ARID4A: variants seen among roughly 807,000 people sequenced by gnomAD.
The protein encoded by ARID4A is AT-rich interactive domain-containing protein 4A.
In ARID4A, 39 loss-of-function variants were observed where a neutral mutation model predicts 148.6. The observed-to-expected ratio is 0.26, with a 90% CI of 0.20 to 0.34. The LOEUF (loss-of-function observed/expected upper bound fraction) is 0.34. Among genes scored for constraint, ARID4A ranks in the 10% least tolerant of loss-of-function variants. The pLI is 1.00. For missense variants in ARID4A, 1,265 were observed against 1,449.1 expected (o/e 0.87, Z 2.06); for synonymous variants, 475 against 481.2 (o/e 0.99, Z 0.17).
chr14:58,326,314 G>A lies in ARID4A; in HGVS notation c.583-1923G>A, dbSNP rs577461670. Among the ~76,000 whole-genome samples, 36 of 152,324 alleles carry A rather than the reference G, an allele frequency of 2.4e-4. No homozygotes were observed. The South Asian group carries it at 5.2e-3, about 22-fold the overall frequency. On this transcript the variant is annotated intron_variant, in intron 8 of 23. Transcript: ENST00000355431. ...TAGCCAGGCGTGGTGGTAGGCACCT[G>A]TAGTCCCAGCTACTTGGGAGGCTGA...
chr14:58,364,836 C>A lies in ARID4A; in HGVS notation c.2747C>A (p.Ala916Glu). 1 of 1,614,094 alleles carries A rather than the reference C, an allele frequency of 6.2e-7. No homozygotes were observed. Among genetic ancestry groups the A allele is most frequent in the Non-Finnish European group, 8.5e-7 (1 of 1,180,016 alleles). The change falls in exon 20 of 24, where the codon GCA (alanine) becomes GAA (glutamate). Residue 916 changes from alanine to glutamate, a missense_variant. Physicochemically the swap from Ala to Glu is moderately radical, Grantham distance 107. Transcript: ENST00000355431. ...AATGAAGGAATGCCATCATTGATAGCAGAGTCAAACCAATGCATCCAACAA... is the reference window on the plus strand; with the variant it reads ...AATGAAGGAATGCCATCATTGATAGAAGAGTCAAACCAATGCATCCAACAA... The part of the protein sequence containing the change: ...RENEGMPSLI[A>E]ESNQCIQQLT...
At chr14:58,350,030 AG>A (rs959714501) in intron 15 of ARID4A, among the ~76,000 whole-genome samples, 109 of 142,114 alleles carry the variant, frequency 7.7e-4, no homozygotes, top group African/African-American at 2.7e-3. Context: ...TGAACCTGGG[AG>A]GTAGAGGTTG....
intron 5 of ARID4A, among the ~76,000 whole-genome samples, chr14:58,311,178 G>A (rs1171971214): frequency 1.3e-5 from 2 of 152,112 alleles, no homozygotes; most frequent in Non-Finnish European, 2.9e-5. Context: ...CCCTGGAGGC[G>A]GAGGCTGCAG....
intron 5 of ARID4A, among the ~76,000 whole-genome samples, chr14:58,313,474 A>C (rs2032194156): frequency 6.6e-6 from 1 of 152,184 alleles, no homozygotes; most frequent in Non-Finnish European, 1.5e-5. Context: ...CTCAGGTGGT[A>C]ATGCTTGCTT....
At chr14:58,344,298 T>A (rs1340644560) in intron 11 of ARID4A, among the ~76,000 whole-genome samples, 1 of 152,120 alleles carries the variant, frequency 6.6e-6, no homozygotes, top group Non-Finnish European at 1.5e-5. Context: ...TTTTTATATA[T>A]AAATATATGA....
intron 17 of ARID4A, among the ~76,000 whole-genome samples, chr14:58,354,601 G>A (rs2034786903): frequency 2.6e-5 from 4 of 151,670 alleles, no homozygotes; most frequent in Admixed American, 2.6e-4. Flanking sequence ...GAGGATCACT[G>A]GAGCCCAGGA....
intron 5 of ARID4A, among the ~76,000 whole-genome samples, chr14:58,316,917 G>T (rs1362091026): frequency 0.23 from 32 of 142 alleles, no homozygotes; most frequent in African/African-American, 0.39. Context: ...CTAAAGGCCA[G>T]GCGCGGTGCT....
chr14:58,359,243 T>C (rs1300673920), intron 18 of ARID4A, 27 bp downstream of exon 18: 2 of 1,543,140 alleles, frequency 1.3e-6, no homozygotes, highest in East Asian at 4.5e-5. Flanking sequence ...ATGTCCTTTA[T>C]AATATGTATA....
rs1393539199 is a variant in ARID4A at position 58,347,871 on chromosome 14, C to T, written c.1397C>T (p.Ser466Phe). The change falls in exon 15 of 24, where the codon TCT (serine) becomes TTT (phenylalanine). Residue 466 changes from serine to phenylalanine, a missense_variant. Around this residue, in one of 9 missense-constraint regions of ARID4A, gnomAD observed 205 missense variants for 196.9 expected, o/e 1.04. Transcript: ENST00000355431. ...GAAAGAGAAGAGATAGAATTAAAAT[C>T]TCCGAGGGTGAGTTCTTAATACTAG... ...ESEREEIELK[S>F]PRGRRRIARD... is the part of the protein sequence containing the mutation. 6.2e-7 allele frequency: 1 copy of T among 1,607,196 alleles called. No individual in the cohort carries two copies. The highest frequency in any genetic ancestry group is 1.7e-5 in the Admixed American group (1 of 59,692).
chr14:58,329,339 T>C (rs1242064200), intron 9 of ARID4A, among the ~76,000 whole-genome samples, 189 bp from the exon 10 acceptor site: 1 of 152,212 alleles, frequency 6.6e-6, no homozygotes, highest in Non-Finnish European at 1.5e-5. Context: ...TATATACAAC[T>C]TCAGAATTAA....
chr14:58,341,165 C>T (rs1324230862), intron 11 of ARID4A, among the ~76,000 whole-genome samples: 3 of 152,180 alleles, frequency 2.0e-5, no homozygotes, highest in Non-Finnish European at 4.4e-5. Flanking sequence ...CGTTCTCTTC[C>T]TTGTGGACTG....
intron 5 of ARID4A, among the ~76,000 whole-genome samples, chr14:58,310,001 ACAAAATGTTTTCAAACC>A (rs1265957786): frequency 1.3e-5 from 2 of 152,204 alleles, no homozygotes; most frequent in Admixed American, 6.5e-5. Context: ...AAAATCAACC[ACAAAATGTTTTCAAACC>A]CAGGTGGCTC....
intron 11 of ARID4A, among the ~76,000 whole-genome samples, chr14:58,341,764 C>T (rs1337816031): frequency 6.6e-6 from 1 of 152,128 alleles, no homozygotes; most frequent in African/African-American, 2.4e-5. Flanking sequence ...GCAGTATATA[C>T]TAATACTAAC....
intron 2 of ARID4A, 76 bp from the exon 3 acceptor site, chr14:58,301,504 A>C (rs937334430): frequency 2.0e-6 from 2 of 995,062 alleles, no homozygotes; most frequent in African/African-American, 3.2e-5. Context: ...CTTCAAACAC[A>C]ACCTTTTAAT....
At chr14:58,362,377 C>G (rs995667275) in intron 19 of ARID4A, among the ~76,000 whole-genome samples, 4 of 151,982 alleles carry the variant, frequency 2.6e-5, no homozygotes, top group Non-Finnish European at 5.9e-5. Context: ...TCACTTGAGC[C>G]CAGGAGTTCC....
intron 5 of ARID4A, among the ~76,000 whole-genome samples, chr14:58,317,117 C>T (rs540392055): frequency 5.5e-5 from 8 of 144,402 alleles, no homozygotes; most frequent in South Asian, 2.3e-4. Flanking sequence ...GGCGTGAACC[C>T]GGGAGGCGGA....
intron 7 of ARID4A, among the ~76,000 whole-genome samples, chr14:58,320,242 G>A (rs1333155747): frequency 3.3e-5 from 5 of 151,464 alleles, no homozygotes; most frequent in African/African-American, 7.3e-5. Flanking sequence ...CACCACACCC[G>A]GCCTATACTA....
intron 11 of ARID4A, among the ~76,000 whole-genome samples, chr14:58,341,944 G>A (rs1405125518): frequency 6.6e-6 from 1 of 151,920 alleles, no homozygotes; most frequent in African/African-American, 2.4e-5. Context: ...TAACCCTCTC[G>A]CACTCCAAAA....
In ARID4A at chr14:58,365,638, T is replaced by G. The variant is rs764990094; in HGVS notation, c.3316+16T>G. Reference sequence around the variant, plus strand: ...AATGGAACAGGTTGGTGTCTTTCAATGCTAGCTTTTGTATAGTGTTAGTAT... The same window carrying G: ...AATGGAACAGGTTGGTGTCTTTCAAGGCTAGCTTTTGTATAGTGTTAGTAT... On this transcript the variant is annotated intron_variant, in intron 21 of 23. Transcript: ENST00000355431. 4 of 1,601,184 alleles carry G rather than the reference T, an allele frequency of 2.5e-6. No homozygotes were observed. The highest frequency in any genetic ancestry group is 2.7e-5 in the African/African-American group (2 of 74,626).
Sources: gnomAD v4.1 joint callset for allele counts (sites outside exome capture counted in the v4.1 genomes callset) on GRCh38, gnomAD v4.1.1 for gene constraint, gnomAD v4.1.1 regional missense constraint, MANE v1.5 for transcripts, NCBI Gene and HGNC (gene_info 2026-07-23, HGNC 2026-07-21) for gene names.